Variants in ANO4 observed in about 807,000 individuals in gnomAD.
The protein encoded by ANO4 is anoctamin 4.
A neutral mutation model predicts 141.9 loss-of-function variants in ANO4; 69 were observed. The ratio of observed to expected loss-of-function variants is 0.49; its 90% CI spans 0.40 to 0.59. The LOEUF is 0.59. Ranked by LOEUF, ANO4 falls within the 20% of genes least tolerant of loss-of-function variation. ANO4 has a pLI of 0.00. For missense variants in ANO4, 894 were observed against 1,162.2 expected, an observed-to-expected ratio of 0.77 and a Z score of 3.36; for synonymous variants, 350 against 394.3, an observed-to-expected ratio of 0.89 and a Z score of 1.33.
Position 101,111,666 on chromosome 12 carries a change from T to C in ANO4, c.2406T>C (p.Ala802=). Reference sequence around the variant, plus strand: ...ACTTTATCCCTCGCTTGGTGTATGCTTATAAGTATGGACCTTGTGCAGGCC... The same window carrying C: ...ACTTTATCCCTCGCTTGGTGTATGCCTATAAGTATGGACCTTGTGCAGGCC... ...TSDFIPRLVY[A]YKYGPCAGQG... The change falls in exon 24 of 28, where the codon GCT becomes GCC. Residue 802 remains alanine, a synonymous_variant. Transcript: ENST00000392977. 6.2e-7 allele frequency: 1 copy of C among 1,613,042 alleles called. No homozygotes were observed. The highest frequency in any genetic ancestry group is 1.3e-5 in the African/African-American group (1 of 74,958).
In ANO4 at chr12:101,083,641, T is replaced by C. The variant is rs2049370790; in HGVS notation, c.1396-37T>C. The C allele has an allele frequency of 1.9e-6, 3 of 1,582,938 alleles. No individual in the cohort carries two copies. The African/African-American group carries it at 4.1e-5, about 22-fold the overall frequency. On this transcript the variant is annotated intron_variant, in intron 15 of 27. Transcript: ENST00000392977. Reference sequence around the variant, plus strand: ...TTTCTTTTTTTATTGTGTGAGCACCTCTTTAGTGCATTAAAATGTGTCTGC... The same window carrying C: ...TTTCTTTTTTTATTGTGTGAGCACCCCTTTAGTGCATTAAAATGTGTCTGC...
At chr12:100,766,250 T>C (rs187017691) in intron 3 of ANO4, among the ~76,000 whole-genome samples, 1 of 152,122 alleles carries the variant, frequency 6.6e-6, no homozygotes, top group East Asian at 1.9e-4. Flanking sequence ...CTCTTATTTC[T>C]TTATGCTTTG....
chr12:100,938,363 A>G (rs2042372133), intron 3 of ANO4, among the ~76,000 whole-genome samples: 1 of 152,200 alleles, frequency 6.6e-6, no homozygotes, highest in Admixed American at 6.5e-5. Context: ...CTGACACACA[A>G]TGTGCACATC....
At chr12:100,745,868 G>A (rs2032078466) in intron 3 of ANO4, among the ~76,000 whole-genome samples, 1 of 152,180 alleles carries the variant, frequency 6.6e-6, no homozygotes, top group Non-Finnish European at 1.5e-5. Flanking sequence ...AATGTATGGT[G>A]AGTCAGCAAA....
At chr12:100,804,202 T>C (rs2034861199) in intron 1 of ANO4, among the ~76,000 whole-genome samples, 1 of 152,156 alleles carries the variant, frequency 6.6e-6, no homozygotes, top group Non-Finnish European at 1.5e-5. Flanking sequence ...ACACATGGTG[T>C]TTGGTTTTCT....
intron 7 of ANO4, among the ~76,000 whole-genome samples, chr12:100,985,731 G>A (rs1592929300): frequency 6.6e-6 from 1 of 152,172 alleles, no homozygotes; most frequent in East Asian, 1.9e-4. Flanking sequence ...TTCTGAAGAA[G>A]GACAGCCACC....
intron 3 of ANO4, among the ~76,000 whole-genome samples, chr12:100,934,441 C>G (rs757519834): frequency 6.6e-6 from 1 of 151,982 alleles, no homozygotes; most frequent in African/African-American, 2.4e-5. Context: ...GACTCTGTTC[C>G]GTTCCATTGG....
At chr12:100,937,955 T>G (rs1404989864) in intron 3 of ANO4, among the ~76,000 whole-genome samples, 2 of 152,228 alleles carry the variant, frequency 1.3e-5, no homozygotes, top group Non-Finnish European at 2.9e-5. Flanking sequence ...GTCCCCATTT[T>G]AAGATCCTTT....
intron 1 of ANO4, among the ~76,000 whole-genome samples, chr12:100,816,393 A>G (rs2035742518): frequency 6.6e-6 from 1 of 152,084 alleles, no homozygotes; most frequent in Admixed American, 6.6e-5. Context: ...TTATCAGTTG[A>G]GAATGGGTCA....
chr12:101,093,523 T>C (rs1345005690), intron 17 of ANO4, among the ~76,000 whole-genome samples: 1 of 152,164 alleles, frequency 6.6e-6, no homozygotes, highest in East Asian at 1.9e-4. Context: ...TCACTTACCG[T>C]CTTTTGTTTT....
chr12:100,745,870 G>A (rs1379622947), intron 3 of ANO4, among the ~76,000 whole-genome samples: 1 of 152,206 alleles, frequency 6.6e-6, no homozygotes, highest in Non-Finnish European at 1.5e-5. Context: ...TGTATGGTGA[G>A]TCAGCAAAAA....
At chr12:100,913,712 C>G (rs2041214381) in intron 2 of ANO4, among the ~76,000 whole-genome samples, 1 of 152,262 alleles carries the variant, frequency 6.6e-6, no homozygotes, top group Non-Finnish European at 1.5e-5. Flanking sequence ...ACAACTATAA[C>G]TAGTAGAGCT....
intron 9 of ANO4, among the ~76,000 whole-genome samples, chr12:101,036,259 T>C (rs1333242538): frequency 2.6e-5 from 4 of 152,118 alleles, no homozygotes; most frequent in Non-Finnish European, 5.9e-5. Flanking sequence ...GGAATGTAAA[T>C]TGGTTCAGCT....
intron 3 of ANO4, among the ~76,000 whole-genome samples, chr12:100,930,855 G>A (rs1416432444): frequency 2.0e-5 from 3 of 152,092 alleles, no homozygotes; most frequent in Non-Finnish European, 4.4e-5. Context: ...AAACTGAGTT[G>A]TTTGGTATAG....
At chr12:100,802,950 A>G (rs1017152573) in intron 1 of ANO4, among the ~76,000 whole-genome samples, 2 of 152,146 alleles carry the variant, frequency 1.3e-5, no homozygotes, top group African/African-American at 4.8e-5. Context: ...ATAAACCACC[A>G]TCTTGAGGGT....
intron 3 of ANO4, among the ~76,000 whole-genome samples, chr12:100,744,349 A>T (rs115406289): frequency 7.9e-5 from 12 of 152,284 alleles, no homozygotes; most frequent in African/African-American, 2.9e-4. Flanking sequence ...AAAAGAGGCT[A>T]GGAAGTCCAA....
At chr12:100,868,962 T>A (rs969360379) in intron 1 of ANO4, among the ~76,000 whole-genome samples, 1 of 152,232 alleles carries the variant, frequency 6.6e-6, no homozygotes, top group Non-Finnish European at 1.5e-5. Flanking sequence ...GCAGGCCAGA[T>A]GTGGCCCACA....
chr12:101,041,969 C>G (rs1001514934), intron 11 of ANO4, among the ~76,000 whole-genome samples: 1 of 152,098 alleles, frequency 6.6e-6, no homozygotes, highest in Non-Finnish European at 1.5e-5. Flanking sequence ...CCATATCTCT[C>G]GAATCGGGCC....
chr12:100,947,721 T>C (rs1478750047), intron 5 of ANO4, among the ~76,000 whole-genome samples: 2 of 152,210 alleles, frequency 1.3e-5, no homozygotes, highest in Non-Finnish European at 2.9e-5. Flanking sequence ...CTCACATTTA[T>C]TAATCACTTA....
Sources: gnomAD v4.1 joint callset for allele counts (sites outside exome capture counted in the v4.1 genomes callset) on GRCh38, gnomAD v4.1.1 for gene constraint, MANE v1.5 for transcripts, NCBI Gene and HGNC (gene_info 2026-07-23, HGNC 2026-07-21) for gene names.